VRK3: variants seen among roughly 807,000 people sequenced by gnomAD.
VRK3 encodes the protein VRK serine/threonine kinase 3, also known as serine/threonine-protein kinase VRK3.
In VRK3, 50 loss-of-function variants were observed where a neutral mutation model predicts 60.4. That is an observed-to-expected ratio of 0.83 (90% CI 0.66 to 1.05). The LOEUF is 1.05. Ranked by LOEUF, VRK3 falls within the 50% of genes least tolerant of loss-of-function variation. The pLI is 0.00. For missense variants in VRK3, 549 were observed against 585.3 expected (o/e 0.94, Z 0.64); for synonymous variants, 246 against 227.8 (o/e 1.08, Z -0.72).
chr19:50,005,745 C>T (rs188089236), intron 5 of VRK3, among the ~76,000 whole-genome samples: 2 of 149,738 alleles, frequency 1.3e-5, no homozygotes, highest in East Asian at 3.9e-4. Flanking sequence ...GAGCACACGC[C>T]GCTGGGTGAG....
intron 3 of VRK3, among the ~76,000 whole-genome samples, chr19:50,010,600 C>A (rs966213032): frequency 2.0e-5 from 3 of 152,180 alleles, no homozygotes; most frequent in Non-Finnish European, 1.5e-5. Flanking sequence ...CTGGTGAGAA[C>A]GTGAATTCTT....
chr19:49,990,790 T>G (rs2076597594), intron 10 of VRK3, among the ~76,000 whole-genome samples: 1 of 151,888 alleles, frequency 6.6e-6, no homozygotes, highest in Non-Finnish European at 1.5e-5. Flanking sequence ...ATAATTTTTT[T>G]TTTTTAAGTT....
At chr19:49,981,617 G>C (rs995735917) in intron 12 of VRK3, 5 of 702,700 alleles carry the variant, frequency 7.1e-6, no homozygotes, top group African/African-American at 5.8e-5. Flanking sequence ...TATGTAATAA[G>C]TATTGTTGAT....
chr19:50,022,345 A>G (rs1380635478), intron 1 of VRK3, among the ~76,000 whole-genome samples: 1 of 152,200 alleles, frequency 6.6e-6, no homozygotes, highest in Non-Finnish European at 1.5e-5. Flanking sequence ...AGCCTGGTCT[A>G]GGCCACCATC....
rs187111741 is a variant in VRK3, at chr19:50,013,030, G to A, written c.139+2994C>T. Among the ~76,000 whole-genome samples, 17 of 152,240 alleles carry A rather than the reference G, an allele frequency of 1.1e-4. No homozygotes were observed. In the East Asian group the frequency reaches 3.3e-3, roughly 29 times the overall value. ...AAAATACAAAAAAATAGCTGGGCGT[G>A]GTGGTGGGCGCCTGTAGTCCCAGCT... On this transcript the variant is annotated intron_variant, in intron 3 of 14. Coordinates refer to ENST00000316763, the MANE Select transcript of VRK3 (RefSeq NM_016440.4).
chr19:50,007,502 G>A (rs1411018430), intron 5 of VRK3, 67 bp downstream of exon 5: 8 of 1,592,764 alleles, frequency 5.0e-6, no homozygotes, highest in Non-Finnish European at 5.1e-6. Flanking sequence ...TTCTCAGAAC[G>A]GGGTCCCCTC....
In VRK3 at chr19:50,003,317, G is replaced by C. The variant is rs560258365; in HGVS notation, c.548-2463C>G. The stretch of plus-strand genomic sequence containing the variant: ...GGCCTCCAGAGCTGTAGGAGAATAA[G>C]CATGTGCTGTGTTAAACCACTCACT... On this transcript the variant is annotated intron_variant, in intron 5 of 14. Transcript: ENST00000316763. 1.1e-3 allele frequency among the ~76,000 whole-genome samples: 164 copies of C among 152,348 alleles called. 1 individual carries two copies. The highest frequency in any genetic ancestry group is 3.8e-3 in the African/African-American group (160 of 41,572).
intron 5 of VRK3, among the ~76,000 whole-genome samples, chr19:50,003,874 G>A (rs1218945812): frequency 6.6e-6 from 1 of 152,206 alleles, no homozygotes. Context: ...CTGGCACCGC[G>A]GCCAGACACA....
chr19:50,016,736 C>T (rs549050920), intron 2 of VRK3, among the ~76,000 whole-genome samples: 2 of 152,292 alleles, frequency 1.3e-5, no homozygotes, highest in South Asian at 4.1e-4. Context: ...ATTCCTGATA[C>T]TTTTTAAAAG....
At chr19:50,011,552 T>G (rs569627339) in intron 3 of VRK3, among the ~76,000 whole-genome samples, 109 of 152,240 alleles carry the variant, frequency 7.2e-4, no homozygotes, top group Middle Eastern at 3.4e-3. Flanking sequence ...GCCTACTTGG[T>G]AGAAGCTCTT....
intron 3 of VRK3, among the ~76,000 whole-genome samples, chr19:50,014,383 C>G (rs2077040916): frequency 6.6e-6 from 1 of 151,860 alleles, no homozygotes; most frequent in Non-Finnish European, 1.5e-5. Flanking sequence ...CATGGTGAAA[C>G]CCTGTCTCTA....
At chr19:49,989,607 C>A in intron 11 of VRK3, 32 bp downstream of exon 11, 1 of 1,575,128 alleles carries the variant, frequency 6.3e-7, no homozygotes, top group South Asian at 1.2e-5. Context: ...AAGCATCTCT[C>A]TGCGGTCCCA....
intron 6 of VRK3, 25 bp from the exon 7 acceptor site, chr19:49,997,595 A>G (rs2076727945): frequency 6.2e-7 from 1 of 1,613,194 alleles, no homozygotes; most frequent in Admixed American, 1.7e-5. Context: ...GAGGGGCAGA[A>G]GGCTGTCACA....
rs771618286 is a variant in VRK3, at chr19:49,988,565, T to A, written c.1097-73A>T. On this transcript the variant is annotated intron_variant, in intron 11 of 14. Coordinates refer to ENST00000316763, the MANE Select transcript of VRK3 (RefSeq NM_016440.4). The stretch of plus-strand genomic sequence containing the variant: ...TCACTGGTGGGTCCACCCCCCTTCC[T>A]TCCCCTCTCTCTCACTGACTCAACC... The A allele has an allele frequency of 4.3e-5, 66 of 1,550,572 alleles. No individual in the cohort carries two copies. The South Asian group carries it at 7.5e-4, about 18-fold the overall frequency.
At chr19:50,001,523 TCACTGGGCTGCATCGCAGCC>T (rs537388193) in intron 5 of VRK3, 1 of 141,460 alleles carries the variant, frequency 7.1e-6, no homozygotes, top group Admixed American at 6.9e-5. Flanking sequence ...GCTGAGGCCA[TCACTGGGCTGCATCGCAGCC>T]CACCTCCTGC....
In VRK3 at chr19:49,991,520, C is replaced by T. The variant is rs188745082; in HGVS notation, c.963+1340G>A. Among the ~76,000 whole-genome samples, 219 of 151,270 alleles carry T rather than the reference C, an allele frequency of 1.4e-3. No homozygotes were observed. In the Middle Eastern group the frequency reaches 0.051, roughly 35 times the overall value. ...GCCAATTCCTTATAATAAATCTCTA[C>T]ACACACACACACACGCACACACACA... On this transcript the variant is annotated intron_variant, in intron 10 of 14. Transcript: ENST00000316763.
intron 3 of VRK3, among the ~76,000 whole-genome samples, chr19:50,014,494 GGTTGCAGTGAGCCGAGAT>G (rs1359595895): frequency 1.3e-5 from 2 of 151,682 alleles, no homozygotes; most frequent in Non-Finnish European, 2.9e-5. Context: ...GGGAGACGGA[GGTTGCAGTGAGCCGAGAT>G]GTTGCAGTGA....
intron 2 of VRK3, among the ~76,000 whole-genome samples, chr19:50,016,734 T>C (rs891840927): frequency 1.3e-5 from 2 of 152,264 alleles, no homozygotes; most frequent in Admixed American, 6.5e-5. Flanking sequence ...TAATTCCTGA[T>C]ACTTTTTAAA....
chr19:50,023,943 G>A (rs1280548747), intron 1 of VRK3, among the ~76,000 whole-genome samples: 1 of 152,146 alleles, frequency 6.6e-6, no homozygotes, highest in Non-Finnish European at 1.5e-5. Flanking sequence ...CTTCTGCCAT[G>A]TATTGCATGA....
Sources: allele counts gnomAD v4.1 joint callset (sites outside exome capture counted in the v4.1 genomes callset), GRCh38; gene constraint gnomAD v4.1.1; transcripts MANE v1.5; gene names NCBI Gene and HGNC (gene_info 2026-07-23, HGNC 2026-07-21).